C12orf54: variants seen among roughly 807,000 people sequenced by gnomAD.
C12orf54 encodes the protein uncharacterized protein C12orf54.
In C12orf54, 24 loss-of-function variants were observed where a neutral mutation model predicts 26.4. The ratio of observed to expected loss-of-function variants is 0.91; its 90% CI spans 0.66 to 1.28. C12orf54 has a LOEUF of 1.28. Among genes scored for constraint, C12orf54 ranks in the 50% most tolerant of loss-of-function variants. C12orf54 has a pLI of 0.00. For synonymous variants in C12orf54, 54 were observed against 47.0 expected (o/e 1.15, Z -0.61); for missense variants, 154 against 150.9 (o/e 1.02, Z -0.11).
intron 2 of C12orf54, among the ~76,000 whole-genome samples, chr12:48,484,143 C>T (rs1198792888): frequency 4.6e-5 from 7 of 152,230 alleles, no homozygotes; most frequent in Admixed American, 6.5e-5. Flanking sequence ...TGCGGTGAGC[C>T]GGGATCATGC....
At chr12:48,437,416 C>A in the C12orf54 span, among the ~76,000 whole-genome samples, 1 of 152,132 alleles carries the variant, frequency 6.6e-6, no homozygotes, top group Non-Finnish European at 1.5e-5. Context: ...CCAGCATCAT[C>A]CTCATACCAA....
chr12:48,478,594 T>C (rs1269565495), upstream of C12orf54, among the ~76,000 whole-genome samples: 7 of 152,116 alleles, frequency 4.6e-5, no homozygotes, highest in Non-Finnish European at 5.9e-5. Flanking sequence ...AGCATTCTTA[T>C]ACACCAATAA....
the C12orf54 span, among the ~76,000 whole-genome samples, chr12:48,421,279 G>A: frequency 6.6e-6 from 1 of 152,238 alleles, no homozygotes; most frequent in Non-Finnish European, 1.5e-5. Flanking sequence ...CAACGTGGGA[G>A]CAAGTGTCTT....
At chr12:48,484,349 G>C (rs191747707) in intron 2 of C12orf54, among the ~76,000 whole-genome samples, 1 of 152,326 alleles carries the variant, frequency 6.6e-6, no homozygotes, top group East Asian at 1.9e-4. Context: ...CTCTATCTAA[G>C]AGTATGAATT....
the C12orf54 span, among the ~76,000 whole-genome samples, chr12:48,476,014 C>T: frequency 6.6e-6 from 1 of 151,962 alleles, no homozygotes; most frequent in East Asian, 1.9e-4. Context: ...GGGTTACCCA[C>T]AAAGGGAAGC....
chr12:48,485,869 A>C (rs1449229919), intron 2 of C12orf54, among the ~76,000 whole-genome samples: 1 of 152,222 alleles, frequency 6.6e-6, no homozygotes, highest in Non-Finnish European at 1.5e-5. Flanking sequence ...TAGAGAGTGG[A>C]CATAAATTAG....
the C12orf54 span, among the ~76,000 whole-genome samples, chr12:48,416,766 G>A: frequency 6.6e-6 from 1 of 152,040 alleles, no homozygotes; most frequent in Non-Finnish European, 1.5e-5. Flanking sequence ...GGAGGCTGAG[G>A]CAGGATAATC....
chr12:48,473,006 C>A, the C12orf54 span: 1 of 1,614,080 alleles, frequency 6.2e-7, no homozygotes, highest in African/African-American at 1.3e-5. Context: ...AGTTAGAAAA[C>A]CTCGAGAGCT....
the C12orf54 span, among the ~76,000 whole-genome samples, chr12:48,468,126 G>T: frequency 6.6e-6 from 1 of 152,156 alleles, no homozygotes; most frequent in Non-Finnish European, 1.5e-5. Flanking sequence ...TCCATGAGAT[G>T]AATCAGACAA....
the C12orf54 span, among the ~76,000 whole-genome samples, chr12:48,430,450 G>T: frequency 4.6e-5 from 7 of 150,594 alleles, no homozygotes; most frequent in Non-Finnish European, 1.0e-4. Context: ...ACTCAAATCA[G>T]CAAGAAAAAA....
the C12orf54 span, among the ~76,000 whole-genome samples, chr12:48,435,362 C>G: frequency 1.3e-5 from 2 of 152,156 alleles, no homozygotes; most frequent in African/African-American, 4.8e-5. Flanking sequence ...GGAGAACTTC[C>G]CCAATCTAGC....
chr12:48,419,308 A>G, the C12orf54 span, among the ~76,000 whole-genome samples: 3 of 152,188 alleles, frequency 2.0e-5, no homozygotes, highest in African/African-American at 7.2e-5. Flanking sequence ...TACTAGCTCT[A>G]TGATCTTTGG....
At position 48,494,771 on chromosome 12, in the gene C12orf54, T is replaced by A. The variant is rs201608810; in HGVS notation, c.243-27T>A. The A allele has an allele frequency of 3.4e-4, 545 of 1,609,354 alleles. 2 individuals carry two copies. The African/African-American group carries it at 6.4e-3, about 19-fold the overall frequency. ...AAGGGTAAGATCTCTTTCCCTCATGTCTACAACTTTCTCTATTTTGGCACA... is the reference window on the plus strand; with the variant it reads ...AAGGGTAAGATCTCTTTCCCTCATGACTACAACTTTCTCTATTTTGGCACA... On this transcript the variant is annotated intron_variant, in intron 7 of 8. Transcript: ENST00000548364.
At chr12:48,430,593 T>A in the C12orf54 span, among the ~76,000 whole-genome samples, 9 of 151,936 alleles carry the variant, frequency 5.9e-5, no homozygotes, top group African/African-American at 2.2e-4. Flanking sequence ...AAAACCACAA[T>A]GTGATGCCAC....
chr12:48,422,071 A>G, the C12orf54 span, among the ~76,000 whole-genome samples: 5 of 152,190 alleles, frequency 3.3e-5, no homozygotes, highest in African/African-American at 4.8e-5. Context: ...AATCCACTCT[A>G]AGAAAAAAAA....
At chr12:48,490,971 C>A (rs1490544709) in intron 6 of C12orf54, 135 bp downstream of exon 6, 18 of 1,107,346 alleles carry the variant, frequency 1.6e-5, no homozygotes, top group Non-Finnish European at 2.3e-5. Context: ...CCCAAAGTCT[C>A]ACCCTAGGAT....
chr12:48,439,336 G>C, the C12orf54 span, among the ~76,000 whole-genome samples: 10 of 152,208 alleles, frequency 6.6e-5, no homozygotes, highest in Admixed American at 6.5e-4. Flanking sequence ...GGAAGTCAGT[G>C]TGGCGATTCC....
intron 1 of C12orf54, among the ~76,000 whole-genome samples, chr12:48,483,032 C>A (rs1353627494): frequency 6.6e-6 from 1 of 151,974 alleles, no homozygotes; most frequent in Non-Finnish European, 1.5e-5. Context: ...CTTCCTCTTA[C>A]CCTCCTCTTA....
At chr12:48,481,271 G>A (rs933941216), upstream of C12orf54, among the ~76,000 whole-genome samples, 1 of 152,064 alleles carries the variant, frequency 6.6e-6, no homozygotes, top group Admixed American at 6.5e-5. Flanking sequence ...TAGGAATTGA[G>A]TTGGATTATG....
Sources: gnomAD v4.1 joint callset for allele counts (sites outside exome capture counted in the v4.1 genomes callset) on GRCh38, gnomAD v4.1.1 for gene constraint, MANE v1.5 for transcripts, NCBI Gene and HGNC (gene_info 2026-07-23, HGNC 2026-07-21) for gene names.